The following ABR variants were observed in gnomAD, a reference collection of about 807,000 sequenced individuals.
The protein encoded by ABR is active breakpoint cluster region-related protein.
ABR carries 35 observed loss-of-function variants against 107.2 expected under a neutral mutation model. That is an observed-to-expected ratio of 0.33 (90% CI 0.25 to 0.43). The LOEUF is 0.43. Ranked by LOEUF, ABR falls within the 20% of genes least tolerant of loss-of-function variation. The probability of loss-of-function intolerance (pLI) is 1.00; values close to 1 mark genes in which losing one functional copy is unlikely to be tolerated. For missense variants in ABR, 815 were observed against 1,115.2 expected (o/e 0.73, Z 3.83); for synonymous variants, 498 against 462.0 (o/e 1.08, Z -1.00).
chr17:1,024,379 C>T (rs1208182128), intron 16 of ABR, among the ~76,000 whole-genome samples: 2 of 152,240 alleles, frequency 1.3e-5, no homozygotes, highest in Admixed American at 6.5e-5. Flanking sequence ...GGCAGGACAC[C>T]GCGGGTGAGA....
At chr17:1,059,006 G>A in intron 10 of ABR, 139 bp from the exon 11 acceptor site, 9 of 1,291,024 alleles carry the variant, frequency 7.0e-6, no homozygotes, top group Non-Finnish European at 9.5e-6. Flanking sequence ...TCTTGTGGCA[G>A]GAGAGGCGGG....
intron 1 of ABR, among the ~76,000 whole-genome samples, chr17:1,205,740 G>A (rs958632830): frequency 6.6e-6 from 1 of 152,142 alleles, no homozygotes; most frequent in Non-Finnish European, 1.5e-5. Context: ...ATCAAGAGAC[G>A]GAGACCATCC....
At chr17:1,013,924 G>A (rs868626132) in intron 16 of ABR, among the ~76,000 whole-genome samples, 10 of 152,236 alleles carry the variant, frequency 6.6e-5, no homozygotes, top group Non-Finnish European at 8.8e-5. Flanking sequence ...CTTCGCGCCC[G>A]TCTGCCTGTG....
At position 1,009,729 on chromosome 17, in the gene ABR, C is replaced by G. The variant is rs769790245; in HGVS notation, c.2292G>C (p.Leu764=). 4 of 1,614,158 alleles carry G rather than the reference C, an allele frequency of 2.5e-6. No individual in the cohort carries two copies. The highest frequency in any genetic ancestry group is 3.4e-6 in the Non-Finnish European group (4 of 1,180,030). The change falls in exon 21 of 23, where the codon CTG becomes CTC. Residue 764 remains leucine, a synonymous_variant. Transcript: ENST00000302538. ...ENCMMHLLRS[L]PDPNLITFLF... ...GGAAGGTGATGAGGTTGGGGTCGGGCAGGGAGCGGAGCAGGTGCATCATGC... is the reference window on the plus strand; with the variant it reads ...GGAAGGTGATGAGGTTGGGGTCGGGGAGGGAGCGGAGCAGGTGCATCATGC...
At chr17:1,087,850 G>A (rs763159503) in intron 4 of ABR, among the ~76,000 whole-genome samples, 5 of 152,154 alleles carry the variant, frequency 3.3e-5, no homozygotes, top group African/African-American at 9.7e-5. Context: ...CCAGGGTCAC[G>A]GTAATCTCAG....
intron 3 of ABR, among the ~76,000 whole-genome samples, chr17:1,095,176 G>A (rs546210509): frequency 3.3e-4 from 50 of 152,276 alleles, no homozygotes; most frequent in African/African-American, 8.9e-4. Flanking sequence ...CCAAGGAGAC[G>A]GGATTTCTCA....
chr17:1,142,410 C>A (rs1017963125), intron 1 of ABR, among the ~76,000 whole-genome samples: 3 of 152,112 alleles, frequency 2.0e-5, no homozygotes, highest in Admixed American at 6.5e-5. Flanking sequence ...CATAGAGAAA[C>A]CCCGTCTCTA....
At chr17:1,174,659 A>C (rs2041859807) in intron 1 of ABR, among the ~76,000 whole-genome samples, 1 of 152,220 alleles carries the variant, frequency 6.6e-6, no homozygotes, top group Non-Finnish European at 1.5e-5. Flanking sequence ...AGGCTCTAGT[A>C]ACAACAGATG....
At chr17:1,018,105 C>T (rs956859990) in intron 16 of ABR, among the ~76,000 whole-genome samples, 12 of 151,886 alleles carry the variant, frequency 7.9e-5, no homozygotes, top group East Asian at 3.9e-4. Context: ...TGCTGTGGCG[C>T]GATCCTGGCT....
chr17:1,155,204 C>T (rs1468989985), intron 1 of ABR, among the ~76,000 whole-genome samples: 1 of 152,080 alleles, frequency 6.6e-6, no homozygotes, highest in Admixed American at 6.5e-5. Context: ...GGGCATCTTT[C>T]CAGACACACA....
At chr17:1,018,119 T>C (rs971421452) in intron 16 of ABR, among the ~76,000 whole-genome samples, 1 of 152,046 alleles carries the variant, frequency 6.6e-6, no homozygotes. Flanking sequence ...CCTGGCTCAC[T>C]GCAAGCTCCG....
In ABR at chr17:1,148,044, C is replaced by G. The variant is rs187664462; in HGVS notation, c.62-22677G>C. On this transcript the variant is annotated intron_variant, in intron 1 of 22. Transcript: ENST00000302538. The surrounding 1 kb of genome is among the most constrained non-coding windows in gnomAD (Gnocchi z 4.9). ...CAGGCTGGTCAATGACCCACCCACT[C>G]TCCCCAGGCTGGTCAATGGGCCCAC... 6.6e-6 allele frequency among the ~76,000 whole-genome samples: 1 copy of G among 152,172 alleles called. No individual in the cohort carries two copies. The highest frequency in any genetic ancestry group is 2.4e-5 in the African/African-American group (1 of 41,446).
intron 18 of ABR, 189 bp downstream of exon 18, chr17:1,012,498 GC>G (rs1194838314): frequency 2.1e-5 from 15 of 700,846 alleles, no homozygotes; most frequent in Non-Finnish European, 3.6e-5. Flanking sequence ...GTGCTGGCTC[GC>G]GTGCTTCTGA....
intron 1 of ABR, among the ~76,000 whole-genome samples, chr17:1,138,795 A>C (rs964907743): frequency 2.0e-5 from 3 of 152,232 alleles, no homozygotes; most frequent in African/African-American, 7.2e-5. Flanking sequence ...CTTCTTAAAA[A>C]TTTAAAATCT....
At chr17:1,096,734 C>CG (rs2037461026) in intron 3 of ABR, among the ~76,000 whole-genome samples, 1 of 130,606 alleles carries the variant, frequency 7.7e-6, no homozygotes, top group African/African-American at 2.9e-5. Context: ...GAACCTGCCC[C>CG]GGGAGGAGAG....
intron 2 of ABR, among the ~76,000 whole-genome samples, chr17:1,123,080 G>A (rs889337202): frequency 2.0e-5 from 3 of 152,184 alleles, no homozygotes; most frequent in African/African-American, 7.2e-5. Context: ...AAGTACTCAG[G>A]AAGAGGCGTC....
chr17:1,207,762 TTTTG>T (rs1030231665), intron 1 of ABR, among the ~76,000 whole-genome samples: 4 of 152,072 alleles, frequency 2.6e-5, no homozygotes, highest in Admixed American at 1.3e-4. Context: ...TAACTTTGTT[TTTTG>T]TTTGTTTGTT....
chr17:1,161,586 A>T (rs1448903993), intron 1 of ABR, among the ~76,000 whole-genome samples: 1 of 140,286 alleles, frequency 7.1e-6, no homozygotes, highest in Non-Finnish European at 1.5e-5. Context: ...ATGAGGTCTC[A>T]CTCTGTAGCC....
Position 1,159,103 on chromosome 17 carries a change from G to A in ABR, c.61+20564C>T, listed in dbSNP as rs931835710. Among the ~76,000 whole-genome samples the A allele has an allele frequency of 2.6e-5, 4 of 152,354 alleles. No homozygotes were observed. In the East Asian group the frequency reaches 5.8e-4, roughly 22 times the overall value. On this transcript the variant is annotated intron_variant, in intron 1 of 22. Transcript: ENST00000302538. ...AAATGCGTAAAACTAAACTATGCAG[G>A]ATGACAAAGGAAACCAACTATATTA... is the stretch of plus-strand genomic sequence containing the variant.
Sources: allele counts gnomAD v4.1 joint callset (sites outside exome capture counted in the v4.1 genomes callset), GRCh38; gene constraint gnomAD v4.1.1; non-coding constraint Gnocchi (gnomAD v3.1); transcripts MANE v1.5; gene names NCBI Gene and HGNC (gene_info 2026-07-23, HGNC 2026-07-21).